CTNNA3: variants seen among roughly 807,000 people sequenced by gnomAD.
CTNNA3 encodes catenin alpha 3.
In CTNNA3, 76 loss-of-function variants were observed where a neutral mutation model predicts 95.7. The observed-to-expected ratio is 0.79, with a 90% CI of 0.66 to 0.96. CTNNA3 has a LOEUF of 0.96. CTNNA3 is among the 40% of genes least tolerant of loss of function. CTNNA3 has a pLI of 0.00. For missense variants in CTNNA3, 1,191 were observed against 1,089.8 expected, an observed-to-expected ratio of 1.09 and a Z score of -1.31; for synonymous variants, 431 against 374.4, an observed-to-expected ratio of 1.15 and a Z score of -1.74.
At chr10:66,868,257 C>A (rs1844259963) in intron 7 of CTNNA3, among the ~76,000 whole-genome samples, 1 of 150,466 alleles carries the variant, frequency 6.6e-6, no homozygotes, top group African/African-American at 2.5e-5. Context: ...CCCAGTTACT[C>A]CGGAGGCTGA....
At chr10:67,337,591 T>C (rs948496203) in intron 5 of CTNNA3, among the ~76,000 whole-genome samples, 5 of 152,192 alleles carry the variant, frequency 3.3e-5, no homozygotes, top group African/African-American at 4.8e-5. Flanking sequence ...TAAAATGCTA[T>C]CAAACAACAT....
At chr10:65,993,479 T>G (rs1322468716) in intron 15 of CTNNA3, among the ~76,000 whole-genome samples, 1 of 152,212 alleles carries the variant, frequency 6.6e-6, no homozygotes, top group Non-Finnish European at 1.5e-5. Flanking sequence ...GGATTTGTCC[T>G]TTTATCTTTA....
chr10:66,653,927 T>C (rs1017686643), intron 9 of CTNNA3, among the ~76,000 whole-genome samples: 6 of 152,072 alleles, frequency 3.9e-5, no homozygotes, highest in Non-Finnish European at 8.8e-5. Flanking sequence ...TAGACCCTTT[T>C]CACACACCAT....
Position 67,089,689 on chromosome 10 carries a change from A to G in CTNNA3, c.1047+90628T>C, listed in dbSNP as rs147435104. 2.1e-3 allele frequency among the ~76,000 whole-genome samples: 320 copies of G among 150,826 alleles called. 4 individuals are homozygous for G. Among genetic ancestry groups the G allele is most frequent in the African/African-American group, 7.4e-3 (306 of 41,076 alleles). On this transcript the variant is annotated intron_variant, in intron 7 of 17. Coordinates refer to ENST00000433211, the MANE Select transcript of CTNNA3 (RefSeq NM_013266.4). ...ATGATATAGTTAGTCGAATCAGCCA[A>G]TCAGAGTATACATATGTGTATATAC... is the stretch of plus-strand genomic sequence containing the variant.
At chr10:67,379,658 C>A (rs1037873393) in intron 5 of CTNNA3, among the ~76,000 whole-genome samples, 23 of 152,068 alleles carry the variant, frequency 1.5e-4, no homozygotes, top group African/African-American at 4.3e-4. Context: ...GCCATCTGAT[C>A]TAGAATAGGA....
At chr10:66,202,449 T>C (rs2087488676) in intron 13 of CTNNA3, among the ~76,000 whole-genome samples, 1 of 152,218 alleles carries the variant, frequency 6.6e-6, no homozygotes, top group Non-Finnish European at 1.5e-5. Context: ...TGTGTTTTAC[T>C]TTTCCTTTTT....
intron 1 of CTNNA3, among the ~76,000 whole-genome samples, chr10:67,706,439 A>G (rs1217415646): frequency 3.9e-5 from 6 of 152,128 alleles, no homozygotes. Flanking sequence ...GGGGGTACTC[A>G]GTTATACCAG....
rs1350433172 is a variant in CTNNA3, at chr10:67,097,891, C to T, written c.1047+82426G>A. 4.8e-6 allele frequency: 5 copies of T among 1,042,652 alleles called. No homozygotes were observed. In the African/African-American group the frequency reaches 6.4e-5, roughly 13 times the overall value. The allele number at this position is 1,042,652 out of a possible 1,614,324, so 64.6% of individuals were successfully genotyped here. ...TTCATTGTGGACTCTAAAAACAAAA[C>T]AAAACACAAAATCCCCTGTTCAAAT... is the stretch of plus-strand genomic sequence containing the variant. On this transcript the variant is annotated intron_variant, in intron 7 of 17. Transcript: ENST00000433211.
At chr10:67,121,593 A>G (rs1230284924) in intron 7 of CTNNA3, among the ~76,000 whole-genome samples, 1 of 152,100 alleles carries the variant, frequency 6.6e-6, no homozygotes, top group Non-Finnish European at 1.5e-5. Flanking sequence ...ACTATTGAGT[A>G]GTATAGGATA....
At chr10:67,682,097 G>T (rs1373967003) in intron 1 of CTNNA3, among the ~76,000 whole-genome samples, 3 of 151,400 alleles carry the variant, frequency 2.0e-5, no homozygotes, top group Non-Finnish European at 4.4e-5. Context: ...GGCAGAGGTT[G>T]CAGTGAGCCG....
chr10:66,652,233 T>C (rs1845936360), intron 9 of CTNNA3, among the ~76,000 whole-genome samples: 1 of 151,478 alleles, frequency 6.6e-6, no homozygotes, highest in African/African-American at 2.4e-5. Context: ...TTTTTGGAAG[T>C]TAATCAAAAT....
intron 7 of CTNNA3, among the ~76,000 whole-genome samples, chr10:67,022,879 A>T (rs1218928765): frequency 6.6e-6 from 1 of 152,170 alleles, no homozygotes; most frequent in African/African-American, 2.4e-5. Context: ...CGGAGGTTGC[A>T]GTGAGCCGAG....
intron 7 of CTNNA3, among the ~76,000 whole-genome samples, chr10:66,949,960 C>A (rs1848453542): frequency 6.6e-6 from 1 of 152,186 alleles, no homozygotes; most frequent in Admixed American, 6.5e-5. Flanking sequence ...CTTCACAGCT[C>A]AGAAAGTTCT....
intron 10 of CTNNA3, among the ~76,000 whole-genome samples, chr10:66,583,818 A>G: frequency 6.6e-6 from 1 of 151,650 alleles, no homozygotes. Flanking sequence ...GGCATTTTGC[A>G]CTATAAACTT....
chr10:67,464,361 G>C (rs750578704), intron 5 of CTNNA3, among the ~76,000 whole-genome samples: 1 of 152,096 alleles, frequency 6.6e-6, no homozygotes, highest in Non-Finnish European at 1.5e-5. Context: ...AAAGTACCTT[G>C]ATCCCTTTAG....
intron 7 of CTNNA3, among the ~76,000 whole-genome samples, chr10:66,993,276 CA>C (rs1347076274): frequency 1.3e-5 from 2 of 152,094 alleles, no homozygotes; most frequent in African/African-American, 4.8e-5. Context: ...TTACAAAAAG[CA>C]AAGGCAGAAA....
chr10:66,637,887 A>AC (rs1211109348), intron 9 of CTNNA3, among the ~76,000 whole-genome samples: 3 of 152,094 alleles, frequency 2.0e-5, no homozygotes, highest in Admixed American at 6.5e-5. Flanking sequence ...TGGAAAGCAC[A>AC]CCCACACCTT....
intron 7 of CTNNA3, among the ~76,000 whole-genome samples, chr10:66,910,231 A>G (rs1417362788): frequency 6.6e-6 from 1 of 152,240 alleles, no homozygotes; most frequent in Non-Finnish European, 1.5e-5. Context: ...ATAAATACTT[A>G]CAGTGTGGCT....
chr10:67,714,040 TTTGC>T (rs1225646147), intron 1 of CTNNA3, among the ~76,000 whole-genome samples: 1 of 151,828 alleles, frequency 6.6e-6, no homozygotes, highest in Non-Finnish European at 1.5e-5. Flanking sequence ...CAGGCAGAAG[TTTGC>T]TGCAGGGGCA....
Sources: allele counts gnomAD v4.1 joint callset (sites outside exome capture counted in the v4.1 genomes callset), GRCh38; gene constraint gnomAD v4.1.1; transcripts MANE v1.5; gene names NCBI Gene and HGNC (gene_info 2026-07-23, HGNC 2026-07-21).